The following RAB21 variants were observed in gnomAD, a reference collection of about 807,000 sequenced individuals.
RAB21 encodes the protein RAB21, member RAS oncogene family.
RAB21 carries 13 observed loss-of-function variants against 33.1 expected under a neutral mutation model. The ratio of observed to expected loss-of-function variants is 0.39; its 90% CI spans 0.26 to 0.62. The LOEUF is 0.62. RAB21 is among the 20% of genes least tolerant of loss of function. The pLI is 0.48. For missense variants in RAB21, 234 were observed against 279.1 expected, an observed-to-expected ratio of 0.84 and a Z score of 1.15; for synonymous variants, 91 against 103.7, an observed-to-expected ratio of 0.88 and a Z score of 0.74.
Position 71,785,786 on chromosome 12 carries a change from A to C in RAB21, c.*113A>C. On this transcript the variant is annotated 3_prime_UTR_variant, in exon 7 of 7. Coordinates refer to ENST00000261263, the MANE Select transcript of RAB21 (RefSeq NM_014999.4). ...TTTTACCAATGGAATTATAGAATTAACAGTATTTTAAATTACGTTTATAAC... is the reference window on the plus strand; with the variant it reads ...TTTTACCAATGGAATTATAGAATTACCAGTATTTTAAATTACGTTTATAAC... 1.5e-6 allele frequency: 2 copies of C among 1,293,672 alleles called. No individual in the cohort carries two copies. Among genetic ancestry groups the C allele is most frequent in the Admixed American group, 2.1e-5 (1 of 46,844 alleles). 80.1% of individuals were successfully genotyped at this position (1,293,672 alleles called of 1,614,324 possible).
chr12:71,770,840 C>T (rs891860672), intron 3 of RAB21, 141 bp downstream of exon 3: 2 of 576,028 alleles, frequency 3.5e-6, no homozygotes, highest in South Asian at 4.3e-5. Context: ...TGACCACTTA[C>T]ATTTTATTTT....
chr12:71,756,853 T>A (rs1223035282), intron 1 of RAB21, among the ~76,000 whole-genome samples: 1 of 152,200 alleles, frequency 6.6e-6, no homozygotes, highest in East Asian at 1.9e-4. Context: ...GCTTTAATTC[T>A]TATAACACCC....
In RAB21 at chr12:71,788,500, A is replaced by G. The variant is rs144643714; in HGVS notation, c.*2827A>G. ...TGAAAGAGGACCAGTCAACTTCAGT[A>G]TATATACAAAGGAAAGACAAAGAGA... is the stretch of plus-strand genomic sequence containing the variant. On this transcript the variant is annotated 3_prime_UTR_variant, in exon 7 of 7. Coordinates refer to ENST00000261263, the MANE Select transcript of RAB21 (RefSeq NM_014999.4). The G allele has an allele frequency of 2.0e-4, 30 of 152,328 alleles. No homozygotes were observed. Among genetic ancestry groups the G allele is most frequent in the African/African-American group, 6.7e-4 (28 of 41,586 alleles). 9.4% of individuals were successfully genotyped at this position (152,328 alleles called of 1,614,324 possible). A position where few individuals can be genotyped will look rare whatever the true frequency, so the allele number is the denominator to read the frequency against.
Position 71,782,351 on chromosome 12 carries a change from T to C in RAB21, c.447-219T>C, listed in dbSNP as rs1251551884. On this transcript the variant is annotated intron_variant, in intron 5 of 6. Transcript: ENST00000261263. ...GTAAGCCAGAAAAACTTTTGAAGTA[T>C]TTGAGTCCCAAATTAATCTATAAAA... 7.7e-6 allele frequency: 4 copies of C among 522,548 alleles called. No homozygotes were observed. In the African/African-American group the frequency reaches 7.8e-5, roughly 10 times the overall value. The allele number at this position is 522,548 out of a possible 1,614,324, so 32.4% of individuals were successfully genotyped here.
intron 1 of RAB21, among the ~76,000 whole-genome samples, chr12:71,763,099 A>ACG (rs761879933): frequency 6.5e-4 from 28 of 43,072 alleles, no homozygotes; most frequent in Middle Eastern, 0.017. Flanking sequence ...TTTATTTTGC[A>ACG]CGCACACACA....
chr12:71,762,481 A>G (rs1209817989), intron 1 of RAB21, among the ~76,000 whole-genome samples: 2 of 147,418 alleles, frequency 1.4e-5, no homozygotes, highest in Admixed American at 1.3e-4. Context: ...AATTTTTTGT[A>G]TTTTTAGTAG....
chr12:71,766,548 A>G (rs1308998585), intron 1 of RAB21, among the ~76,000 whole-genome samples: 1 of 152,154 alleles, frequency 6.6e-6, no homozygotes, highest in African/African-American at 2.4e-5. Context: ...TAAGTGCTGT[A>G]GAAACGTTAA....
chr12:71,785,332 A>G (rs1883268179), intron 6 of RAB21, among the ~76,000 whole-genome samples, 199 bp from the exon 7 acceptor site: 1 of 152,168 alleles, frequency 6.6e-6, no homozygotes, highest in Non-Finnish European at 1.5e-5. Context: ...TAAGCTTACT[A>G]CTTGATACTA....
chr12:71,768,476 G>A (rs1004145260), intron 1 of RAB21, among the ~76,000 whole-genome samples: 3 of 151,856 alleles, frequency 2.0e-5, no homozygotes, highest in African/African-American at 7.3e-5. Context: ...AGCTGACTCT[G>A]GATTCTGGAT....
chr12:71,770,638 A>G lies in RAB21; in HGVS notation c.266A>G (p.Tyr89Cys). ...TTCCATGCATTGGGTCCAATTTACT[A>G]CAGAGATTCAAATGGAGCGATTTTA... ...ERFHALGPIY[Y>C]RDSNGAILVY... The change falls in exon 3 of 7, where the codon TAC (tyrosine) becomes TGC (cysteine). Residue 89 changes from tyrosine to cysteine, a missense_variant. Tyr to Cys is a radical substitution (Grantham distance 194). Transcript: ENST00000261263. 6.2e-7 allele frequency: 1 copy of G among 1,609,710 alleles called. No individual in the cohort carries two copies. Among genetic ancestry groups the G allele is most frequent in the Non-Finnish European group, 8.5e-7 (1 of 1,176,680 alleles).
chr12:71,777,349 G>A (rs1883136611), intron 4 of RAB21, among the ~76,000 whole-genome samples: 1 of 152,016 alleles, frequency 6.6e-6, no homozygotes, highest in Admixed American at 6.5e-5. Context: ...ATGTGCCTAC[G>A]ATTCCTTTAT....
At chr12:71,779,496 GCAAGGACTTAAAAA>G (rs1217765766) in intron 4 of RAB21, among the ~76,000 whole-genome samples, 4 of 151,676 alleles carry the variant, frequency 2.6e-5, no homozygotes, top group African/African-American at 9.8e-5. Flanking sequence ...TATGGAGTAA[GCAAGGACTTAAAAA>G]CAAGTTTTAT....
chr12:71,772,580 A>T (rs187040377), intron 3 of RAB21, among the ~76,000 whole-genome samples: 6 of 152,008 alleles, frequency 3.9e-5, no homozygotes, highest in Non-Finnish European at 5.9e-5. Flanking sequence ...GCTTTTTTTT[A>T]AAAAAATTGA....
At chr12:71,770,119 T>C (rs1048240419) in intron 2 of RAB21, among the ~76,000 whole-genome samples, 4 of 152,130 alleles carry the variant, frequency 2.6e-5, no homozygotes, top group Non-Finnish European at 4.4e-5. Context: ...GGCCTTTTTT[T>C]CCCCACCCTG....
intron 1 of RAB21, among the ~76,000 whole-genome samples, chr12:71,767,447 C>T (rs1047538346): frequency 9.2e-5 from 14 of 152,052 alleles, no homozygotes; most frequent in African/African-American, 3.1e-4. Context: ...AAAATGATAA[C>T]CTGTTAGGGA....
At chr12:71,773,214 A>G (rs1371918633) in intron 3 of RAB21, among the ~76,000 whole-genome samples, 2 of 152,230 alleles carry the variant, frequency 1.3e-5, no homozygotes, top group Admixed American at 6.5e-5. Flanking sequence ...GTCTACTACT[A>G]TGCTTCACTC....
chr12:71,768,168 A>G (rs1003709353), intron 1 of RAB21, among the ~76,000 whole-genome samples: 3 of 152,150 alleles, frequency 2.0e-5, no homozygotes, highest in African/African-American at 4.8e-5. Flanking sequence ...GAAGGCAGAC[A>G]TACATGGGTT....
rs530278162 is a variant in RAB21 at position 71,790,455 on chromosome 12, G to C, written c.*4782G>C. ...TAATGTTGAAAAGTAGAAAGAAGTG[G>C]TATCTGCTAAACTCTAGCTTTAGTA... On this transcript the variant is annotated 3_prime_UTR_variant, in exon 7 of 7. Transcript: ENST00000261263. 3.9e-5 allele frequency: 6 copies of C among 152,154 alleles called. No individual in the cohort carries two copies. Among genetic ancestry groups the C allele is most frequent in the African/African-American group, 1.2e-4 (5 of 41,530 alleles). The allele number at this position is 152,154 out of a possible 1,614,324, so 9.4% of individuals were successfully genotyped here. A position where few individuals can be genotyped will look rare whatever the true frequency, so the allele number is the denominator to read the frequency against.
chr12:71,781,536 T>A (rs900056532), intron 4 of RAB21, among the ~76,000 whole-genome samples: 2 of 152,170 alleles, frequency 1.3e-5, no homozygotes, highest in Admixed American at 6.5e-5. Flanking sequence ...CTGTACACTT[T>A]AATTTTTACT....
Sources: allele counts gnomAD v4.1 joint callset (sites outside exome capture counted in the v4.1 genomes callset), GRCh38; gene constraint gnomAD v4.1.1; transcripts MANE v1.5; gene names NCBI Gene and HGNC (gene_info 2026-07-23, HGNC 2026-07-21).